Variants in PKIB observed in about 807,000 individuals in gnomAD.
The protein encoded by PKIB is cAMP-dependent protein kinase inhibitor beta.
Under a neutral mutation model 4.5 loss-of-function variants are expected in PKIB, and 2 were observed. The observed-to-expected ratio is 0.44, with a 90% CI of 0.18 to 1.39. The LOEUF (loss-of-function observed/expected upper bound fraction) is 1.39, where lower values mean the gene tolerates loss of function less well. PKIB is among the 40% of genes most tolerant of loss of function. The pLI, the probability that PKIB is intolerant of heterozygous loss-of-function variation, is 0.27. For missense variants in PKIB, 94 were observed against 92.6 expected, an observed-to-expected ratio of 1.02 and a Z score of -0.06; for synonymous variants, 38 against 36.0, an observed-to-expected ratio of 1.06 and a Z score of -0.20.
chr6:122,524,796 AAT>A (rs1344264702), intron 2 of PKIB, among the ~76,000 whole-genome samples: 4 of 151,742 alleles, frequency 2.6e-5, no homozygotes, highest in African/African-American at 7.3e-5. Flanking sequence ...TACAATTTTA[AAT>A]ATGTGTGGCA....
chr6:122,690,934 T>TATATATA (rs1485299018), intron 3 of PKIB, among the ~76,000 whole-genome samples: 43 of 119,578 alleles, frequency 3.6e-4, no homozygotes, highest in African/African-American at 1.3e-3. Context: ...ATATATATAT[T>TATATATA]TTTTTTTTTT....
At chr6:122,501,666 A>T (rs1266411108) in intron 2 of PKIB, among the ~76,000 whole-genome samples, 1 of 152,038 alleles carries the variant, frequency 6.6e-6, no homozygotes, top group East Asian at 1.9e-4. Flanking sequence ...CCATGAAACC[A>T]TTTTTCCCTC....
intron 2 of PKIB, among the ~76,000 whole-genome samples, chr6:122,558,441 G>A (rs530904125): frequency 6.6e-6 from 1 of 152,268 alleles, no homozygotes; most frequent in South Asian, 2.1e-4. Context: ...CTAGTGAAAG[G>A]TACAGTCAGA....
chr6:122,690,228 T>C (rs539455654), intron 3 of PKIB, among the ~76,000 whole-genome samples: 3 of 152,174 alleles, frequency 2.0e-5, no homozygotes, highest in East Asian at 3.9e-4. Context: ...TGTCTTTTTA[T>C]TGGAGAATTT....
At chr6:122,499,345 A>G (rs1033794658) in intron 2 of PKIB, among the ~76,000 whole-genome samples, 2 of 152,308 alleles carry the variant, frequency 1.3e-5, no homozygotes, top group Admixed American at 1.3e-4. Flanking sequence ...CCAGCACCAC[A>G]TCAAAATTTA....
intron 3 of PKIB, among the ~76,000 whole-genome samples, chr6:122,700,577 A>G (rs552176417): frequency 6.6e-6 from 1 of 152,204 alleles, no homozygotes; most frequent in South Asian, 2.1e-4. Context: ...GGTACAGGGA[A>G]AGAAAGCTAG....
chr6:122,486,768 T>G (rs1775779831), intron 2 of PKIB, among the ~76,000 whole-genome samples: 1 of 152,208 alleles, frequency 6.6e-6, no homozygotes, highest in Non-Finnish European at 1.5e-5. Flanking sequence ...ATCTGCACCA[T>G]GACATTTTTC....
At chr6:122,510,482 G>A (rs1776551218) in intron 2 of PKIB, among the ~76,000 whole-genome samples, 1 of 152,080 alleles carries the variant, frequency 6.6e-6, no homozygotes, top group Admixed American at 6.6e-5. Context: ...ACCTGTCTCT[G>A]TTAAAGGAAT....
At chr6:122,596,111 T>G (rs1413120468) in intron 3 of PKIB, among the ~76,000 whole-genome samples, 2 of 152,212 alleles carry the variant, frequency 1.3e-5, no homozygotes, top group East Asian at 3.9e-4. Context: ...CCATTTCTCC[T>G]TCCATGCAAA....
At chr6:122,513,740 T>C (rs1433338880) in intron 2 of PKIB, among the ~76,000 whole-genome samples, 1 of 152,246 alleles carries the variant, frequency 6.6e-6, no homozygotes, top group African/African-American at 2.4e-5. Flanking sequence ...TTTGGTTTTC[T>C]GTTCTTGTGT....
chr6:122,497,895 A>G (rs777797942), intron 2 of PKIB, among the ~76,000 whole-genome samples: 8 of 152,190 alleles, frequency 5.3e-5, no homozygotes, highest in Non-Finnish European at 1.2e-4. Flanking sequence ...CTACCCATCA[A>G]CCAACCACAG....
At chr6:122,524,776 G>A (rs549914308) in intron 2 of PKIB, among the ~76,000 whole-genome samples, 2 of 151,848 alleles carry the variant, frequency 1.3e-5, no homozygotes, top group South Asian at 4.2e-4. Context: ...ACTTGCTTAT[G>A]TTATTCTTTT....
chr6:122,643,781 G>C (rs1776206878), intron 2 of PKIB: 1 of 152,132 alleles, frequency 6.6e-6, no homozygotes. Flanking sequence ...ACATTAAAAG[G>C]TTGAGGTTAT....
chr6:122,673,855 A>T (rs1436787239), intron 2 of PKIB, among the ~76,000 whole-genome samples: 1 of 152,232 alleles, frequency 6.6e-6, no homozygotes, highest in African/African-American at 2.4e-5. Context: ...GCCTGTGATA[A>T]GCACAAAGAC....
At chr6:122,639,658 G>A (rs916058807) in intron 2 of PKIB, among the ~76,000 whole-genome samples, 11 of 152,098 alleles carry the variant, frequency 7.2e-5, no homozygotes, top group African/African-American at 1.7e-4. Flanking sequence ...GAGAAGATGC[G>A]CTAACTTTCT....
chr6:122,655,228 A>G (rs993507664), intron 2 of PKIB, among the ~76,000 whole-genome samples: 3 of 152,238 alleles, frequency 2.0e-5, no homozygotes, highest in African/African-American at 7.2e-5. Flanking sequence ...AAAATGTGGC[A>G]CAAAAAATGG....
intron 2 of PKIB, among the ~76,000 whole-genome samples, chr6:122,502,094 A>T (rs776535206): frequency 1.6e-4 from 24 of 151,978 alleles, no homozygotes; most frequent in East Asian, 9.7e-4. Flanking sequence ...CTGGGATTAC[A>T]GGCCTGCACC....
intron 2 of PKIB, among the ~76,000 whole-genome samples, chr6:122,539,197 G>C (rs1777507583): frequency 6.6e-6 from 1 of 151,940 alleles, no homozygotes; most frequent in African/African-American, 2.4e-5. Context: ...TAATTGCCCT[G>C]GCCAGAACTT....
At chr6:122,701,255 C>CA (rs796576044) in intron 3 of PKIB, 48 of 508,630 alleles carry the variant, frequency 9.4e-5, no homozygotes, top group African/African-American at 8.5e-4. Flanking sequence ...ACAAACCTCA[C>CA]ACAGGGCTGC....
Sources: allele counts gnomAD v4.1 joint callset (sites outside exome capture counted in the v4.1 genomes callset), GRCh38; gene constraint gnomAD v4.1.1; transcripts MANE v1.5; gene names NCBI Gene and HGNC (gene_info 2026-07-23, HGNC 2026-07-21).